IL17F: variants seen among roughly 807,000 people sequenced by gnomAD.
IL17F encodes interleukin 17F, also known as interleukin-17F.
Under a neutral mutation model 8.3 loss-of-function variants are expected in IL17F, and 6 were observed. The ratio of observed to expected loss-of-function variants is 0.73; its 90% CI spans 0.40 to 1.43. The LOEUF is 1.43. Among genes scored for constraint, IL17F ranks in the 40% most tolerant of loss-of-function variants. The probability of loss-of-function intolerance (pLI) is 0.02; values close to 1 mark genes in which losing one functional copy is unlikely to be tolerated. For synonymous variants in IL17F, 98 were observed against 81.6 expected (o/e 1.20, Z -1.08); for missense variants, 204 against 209.6 (o/e 0.97, Z 0.17).
chr6:52,245,463 T>C (rs957291482), upstream of IL17F, among the ~76,000 whole-genome samples: 1 of 152,210 alleles, frequency 6.6e-6, no homozygotes, highest in African/African-American at 2.4e-5. Context: ...TAATTTATAT[T>C]TACCAGTATA....
At chr6:52,237,565 C>T (rs1294884964) in intron 2 of IL17F, among the ~76,000 whole-genome samples, 1 of 152,024 alleles carries the variant, frequency 6.6e-6, no homozygotes, top group African/African-American at 2.4e-5. Flanking sequence ...AGTCTTCCAT[C>T]ACTAGTCGGT....
intron 1 of IL17F, 178 bp from the exon 2 acceptor site, chr6:52,239,128 C>G (rs976067115): frequency 3.3e-5 from 21 of 640,756 alleles, no homozygotes; most frequent in South Asian, 3.6e-5. Context: ...AGGTGCCAAA[C>G]TGAGAACTAA....
intron 1 of IL17F, among the ~76,000 whole-genome samples, chr6:52,243,023 A>G (rs1764099040): frequency 6.6e-6 from 1 of 152,190 alleles, no homozygotes; most frequent in Non-Finnish European, 1.5e-5. Context: ...AAGATAAATA[A>G]CTTACCCAAA....
chr6:52,239,064 T>G, intron 1 of IL17F, 114 bp from the exon 2 acceptor site: 1 of 919,168 alleles, frequency 1.1e-6, no homozygotes, highest in Non-Finnish European at 1.8e-6. Context: ...AGGGCTTCTC[T>G]TTGCACCTCA....
In IL17F at chr6:52,238,715, C is replaced by A; in HGVS notation, c.254+15G>T. On this transcript the variant is annotated intron_variant, in intron 2 of 2. Transcript: ENST00000336123. ...TTTTCCAAAGAATGTGAAAATCAGT[C>A]TCATTTGCACTTACGTGTAATTCCA... is the stretch of plus-strand genomic sequence containing the variant. 1 of 1,600,900 alleles carries A rather than the reference C, an allele frequency of 6.2e-7. No homozygotes were observed. Among genetic ancestry groups the A allele is most frequent in the South Asian group, 1.1e-5 (1 of 90,618 alleles).
In IL17F at chr6:52,238,970, G is replaced by T; in HGVS notation, c.34-20C>A. 1 of 1,605,326 alleles carries T rather than the reference G, an allele frequency of 6.2e-7. No homozygotes were observed. The highest frequency in any genetic ancestry group is 2.2e-5 in the East Asian group (1 of 44,850). On this transcript the variant is annotated intron_variant, in intron 1 of 2. Coordinates refer to ENST00000336123, the MANE Select transcript of IL17F (RefSeq NM_052872.4). ...CTTGACCTGGAAAATAGAAGACGCTGCAATCAGTTAGAGACTCGCCTCACC... is the reference window on the plus strand; with the variant it reads ...CTTGACCTGGAAAATAGAAGACGCTTCAATCAGTTAGAGACTCGCCTCACC...
Position 52,236,907 on chromosome 6 carries a change from T to G in IL17F, c.*24A>C. On this transcript the variant is annotated 3_prime_UTR_variant, in exon 3 of 3. Transcript: ENST00000336123. ...TAAGGAGTGGCATTTCTACAGCTTC[T>G]TCAGCTGAGTGGATATGCACCTCTT... The G allele has an allele frequency of 1.3e-6, 2 of 1,583,064 alleles. No homozygotes were observed. Among genetic ancestry groups the G allele is most frequent in the Non-Finnish European group, 1.7e-6 (2 of 1,151,686 alleles).
chr6:52,239,570 G>GAA (rs1437118711), intron 1 of IL17F, among the ~76,000 whole-genome samples: 1 of 152,026 alleles, frequency 6.6e-6, no homozygotes, highest in East Asian at 1.9e-4. Flanking sequence ...GGTTCAATCA[G>GAA]AAGCATGTTT....
At position 52,236,887 on chromosome 6, in the gene IL17F, A is replaced by T; in HGVS notation, c.*44T>A. ...ACTTGTTGCAGAGCACTGGGTAAGG[A>T]GTGGCATTTCTACAGCTTCTTCAGC... On this transcript the variant is annotated 3_prime_UTR_variant, in exon 3 of 3. Transcript: ENST00000336123. The T allele has an allele frequency of 6.8e-7, 1 of 1,467,390 alleles. No homozygotes were observed. Among genetic ancestry groups the T allele is most frequent in the Non-Finnish European group, 9.6e-7 (1 of 1,046,410 alleles). The allele number at this position is 1,467,390 out of a possible 1,614,324, so 90.9% of individuals were successfully genotyped here. A position where few individuals can be genotyped will look rare whatever the true frequency, so the allele number is the denominator to read the frequency against.
chr6:52,240,596 C>CA (rs1228074199), intron 1 of IL17F, among the ~76,000 whole-genome samples: 2 of 151,744 alleles, frequency 1.3e-5, no homozygotes, highest in Non-Finnish European at 2.9e-5. Flanking sequence ...ATACTAGAGA[C>CA]AAAAAACAAT....
At chr6:52,237,699 C>T (rs1763990686) in intron 2 of IL17F, among the ~76,000 whole-genome samples, 1 of 152,086 alleles carries the variant, frequency 6.6e-6, no homozygotes, top group Admixed American at 6.5e-5. Context: ...CAACATTTAT[C>T]CTGCCAGCTT....
chr6:52,237,441 A>G (rs1486024870), intron 2 of IL17F, among the ~76,000 whole-genome samples: 1 of 152,200 alleles, frequency 6.6e-6, no homozygotes, highest in Non-Finnish European at 1.5e-5. Flanking sequence ...GTACATATAA[A>G]ATACCCCACT....
At chr6:52,245,564 T>C (rs1020107891), upstream of IL17F, among the ~76,000 whole-genome samples, 1 of 152,202 alleles carries the variant, frequency 6.6e-6, no homozygotes, top group African/African-American at 2.4e-5. Context: ...ACAGAAGTGT[T>C]CTTTCCCATG....
chr6:52,240,457 A>T (rs1489076862), intron 1 of IL17F, among the ~76,000 whole-genome samples: 2 of 151,166 alleles, frequency 1.3e-5, no homozygotes, highest in Non-Finnish European at 3.0e-5. Context: ...AAAAAAAAAA[A>T]AGAGCTGAAA....
chr6:52,244,257 C>G, intron 1 of IL17F, 140 bp downstream of exon 1: 1 of 851,830 alleles, frequency 1.2e-6, no homozygotes, highest in Non-Finnish European at 2.0e-6. Context: ...CTCCACCAGA[C>G]AGGAGTCAAA....
At position 52,236,749 on chromosome 6, in the gene IL17F, A is replaced by G. The variant is rs925306175; in HGVS notation, c.*182T>C. On this transcript the variant is annotated 3_prime_UTR_variant, in exon 3 of 3. Coordinates refer to ENST00000336123, the MANE Select transcript of IL17F (RefSeq NM_052872.4). ...TAATTTTTCTCCTAACATTTTAGAT[A>G]TCAAATATAAAGTGTAGTACATACA... 15 of 624,348 alleles carry G rather than the reference A, an allele frequency of 2.4e-5. No individual in the cohort carries two copies. The highest frequency in any genetic ancestry group is 2.2e-4 in the African/African-American group (12 of 54,482). 38.7% of individuals were successfully genotyped at this position (624,348 alleles called of 1,614,324 possible). A position where few individuals can be genotyped will look rare whatever the true frequency, so the allele number is the denominator to read the frequency against.
At chr6:52,244,730 A>G (rs1419368589), upstream of IL17F, among the ~76,000 whole-genome samples, 1 of 152,170 alleles carries the variant, frequency 6.6e-6, no homozygotes, top group African/African-American at 2.4e-5. Flanking sequence ...ATTGCCCACA[A>G]ATCAGAGCAA....
intron 1 of IL17F, among the ~76,000 whole-genome samples, chr6:52,242,182 T>A (rs945106582): frequency 6.6e-6 from 1 of 152,164 alleles, no homozygotes; most frequent in African/African-American, 2.4e-5. Flanking sequence ...GATGAATAGA[T>A]ATCGCTCTCA....
chr6:52,241,626 A>G, intron 1 of IL17F, among the ~76,000 whole-genome samples: 1 of 152,376 alleles, frequency 6.6e-6, no homozygotes, highest in Non-Finnish European at 1.5e-5. Flanking sequence ...ACATTTGCTT[A>G]TATATTCTTA....
Sources: allele counts gnomAD v4.1 joint callset (sites outside exome capture counted in the v4.1 genomes callset), GRCh38; gene constraint gnomAD v4.1.1; transcripts MANE v1.5; gene names NCBI Gene and HGNC (gene_info 2026-07-23, HGNC 2026-07-21).